The following CLVS2 variants were observed in gnomAD, a reference collection of about 807,000 sequenced individuals.
CLVS2 encodes the protein clavesin-2.
In CLVS2, 19 loss-of-function variants were observed where a neutral mutation model predicts 29.0. The ratio of observed to expected loss-of-function variants is 0.66; its 90% CI spans 0.46 to 0.96. CLVS2 has a LOEUF of 0.96. Ranked by LOEUF, CLVS2 falls within the 40% of genes least tolerant of loss-of-function variation. The pLI is 0.00. For missense variants in CLVS2, 294 were observed against 404.1 expected (o/e 0.73, Z 2.34); for synonymous variants, 161 against 151.3 (o/e 1.06, Z -0.47).
intron 3 of CLVS2, among the ~76,000 whole-genome samples, chr6:123,045,648 A>G (rs1772480143): frequency 6.6e-6 from 1 of 152,106 alleles, no homozygotes; most frequent in Non-Finnish European, 1.5e-5. Flanking sequence ...TTTCCACCTT[A>G]TAGGGTAGGG....
Position 123,066,128 on chromosome 6 carries a change from T to C in CLVS2, c.*2367T>C, listed in dbSNP as rs1772850504. 6.6e-6 allele frequency: 1 copy of C among 151,718 alleles called. No homozygotes were observed. Among genetic ancestry groups the C allele is most frequent in the African/African-American group, 2.4e-5 (1 of 41,400 alleles). 9.4% of individuals were successfully genotyped at this position (151,718 alleles called of 1,614,324 possible). On this transcript the variant is annotated 3_prime_UTR_variant, in exon 6 of 6. Transcript: ENST00000275162. ...CTAGTTCATTCTGTGAATAAACTCATTTTCTAGTAATGTTTGTGAACCTTA... is the reference window on the plus strand; with the variant it reads ...CTAGTTCATTCTGTGAATAAACTCACTTTCTAGTAATGTTTGTGAACCTTA...
intron 4 of CLVS2, 48 bp from the exon 5 acceptor site, chr6:123,055,758 T>A: frequency 7.6e-7 from 1 of 1,323,532 alleles, no homozygotes; most frequent in Non-Finnish European, 1.1e-6. Context: ...AGATGGTATT[T>A]AGTTTCCTCT....
intron 3 of CLVS2, among the ~76,000 whole-genome samples, chr6:123,037,067 AT>A (rs940997486): frequency 1.3e-5 from 2 of 151,666 alleles, no homozygotes; most frequent in African/African-American, 4.8e-5. Context: ...TTTATTTTTT[AT>A]TTTTTTTCTG....
At chr6:123,045,142 G>GACAC (rs112529316) in intron 3 of CLVS2, among the ~76,000 whole-genome samples, 3,884 of 147,020 alleles carry the variant, frequency 0.026, 174 homozygotes, top group African/African-American at 0.092. Flanking sequence ...CCTCTTTTGG[G>GACAC]ACACACACAC....
At chr6:123,049,906 C>T (rs1772579657) in intron 4 of CLVS2, among the ~76,000 whole-genome samples, 1 of 151,810 alleles carries the variant, frequency 6.6e-6, no homozygotes, top group South Asian at 2.1e-4. Context: ...ATGTAACAAA[C>T]CTGCACGTTG....
Position 122,996,557 on chromosome 6 carries a change from A to G in CLVS2, c.-749A>G, listed in dbSNP as rs1275157375. ...AGGAGAGGCTGCGGGCTGCCCGCGG[A>G]CGATGTGGCCGCGGCTGCTCCCGAG... On this transcript the variant is annotated 5_prime_UTR_variant, in exon 1 of 6. Coordinates refer to ENST00000275162, the MANE Select transcript of CLVS2 (RefSeq NM_001010852.4). 1 of 152,936 alleles carries G rather than the reference A, an allele frequency of 6.5e-6. No individual in the cohort carries two copies. The highest frequency in any genetic ancestry group is 1.5e-5 in the Non-Finnish European group (1 of 68,350). 9.5% of individuals were successfully genotyped at this position (152,936 alleles called of 1,614,324 possible). A position where few individuals can be genotyped will look rare whatever the true frequency, so the allele number is the denominator to read the frequency against.
rs558726734 is a variant in CLVS2, at chr6:123,070,307, T to C, written c.*6546T>C. On this transcript the variant is annotated 3_prime_UTR_variant, in exon 6 of 6. Coordinates refer to ENST00000275162, the MANE Select transcript of CLVS2 (RefSeq NM_001010852.4). ...TTCCAGTTTCTAGGAATAAAAATTT[T>C]GGAGTCATCCTCTCTTTCCTTCCTC... 1 of 151,926 alleles carries C rather than the reference T, an allele frequency of 6.6e-6. No individual in the cohort carries two copies. The highest frequency in any genetic ancestry group is 1.5e-5 in the Non-Finnish European group (1 of 67,916). 9.4% of individuals were successfully genotyped at this position (151,926 alleles called of 1,614,324 possible).
intron 3 of CLVS2, among the ~76,000 whole-genome samples, chr6:123,030,087 G>C (rs1775061407): frequency 6.6e-6 from 1 of 152,214 alleles, no homozygotes. Context: ...GCCAGAAAAA[G>C]AAGTACAGTT....
chr6:123,039,128 C>G (rs1042989157), intron 3 of CLVS2, among the ~76,000 whole-genome samples: 4 of 152,122 alleles, frequency 2.6e-5, no homozygotes, highest in Non-Finnish European at 5.9e-5. Context: ...TAGCCTGATT[C>G]TTACTGTAAT....
chr6:123,045,142 GACAC>G (rs112529316), intron 3 of CLVS2, among the ~76,000 whole-genome samples: 131 of 147,016 alleles, frequency 8.9e-4, no homozygotes, highest in Middle Eastern at 3.5e-3. Flanking sequence ...CCTCTTTTGG[GACAC>G]ACACACACAC....
chr6:123,022,430 T>G (rs1025277262), intron 3 of CLVS2, among the ~76,000 whole-genome samples: 14 of 151,972 alleles, frequency 9.2e-5, no homozygotes, highest in African/African-American at 3.1e-4. Context: ...AGCCAGTGAT[T>G]AGTTTATGAT....
chr6:123,034,231 C>T (rs1274146122), intron 3 of CLVS2, among the ~76,000 whole-genome samples: 1 of 152,032 alleles, frequency 6.6e-6, no homozygotes. Flanking sequence ...GAAATGAAAA[C>T]TTATTTTCAC....
intron 2 of CLVS2, among the ~76,000 whole-genome samples, chr6:123,007,668 T>C (rs1774688669): frequency 1.3e-5 from 2 of 152,200 alleles, no homozygotes; most frequent in Non-Finnish European, 2.9e-5. Flanking sequence ...CATAGTCTGG[T>C]GTCAGTTGTA....
At chr6:123,037,773 G>C (rs1188429699) in intron 3 of CLVS2, among the ~76,000 whole-genome samples, 1 of 151,848 alleles carries the variant, frequency 6.6e-6, no homozygotes, top group Non-Finnish European at 1.5e-5. Flanking sequence ...AACTCTACTT[G>C]CTACTGCTGT....
At chr6:123,019,034 A>C (rs1466970651) in intron 3 of CLVS2, among the ~76,000 whole-genome samples, 3 of 151,968 alleles carry the variant, frequency 2.0e-5, no homozygotes, top group African/African-American at 7.2e-5. Context: ...TGTCTTCTCC[A>C]TATGGTTTCC....
chr6:123,010,591 A>G (rs534636909), intron 2 of CLVS2, among the ~76,000 whole-genome samples: 4 of 150,906 alleles, frequency 2.7e-5, no homozygotes, highest in Admixed American at 2.6e-4. Context: ...GATGAGACTC[A>G]CTCAAATCTC....
chr6:123,059,713 C>T (rs1056818723), intron 5 of CLVS2, among the ~76,000 whole-genome samples: 2 of 152,286 alleles, frequency 1.3e-5, no homozygotes, highest in East Asian at 3.9e-4. Context: ...TCTTTACTTA[C>T]CAATCCATAT....
intron 2 of CLVS2, among the ~76,000 whole-genome samples, chr6:123,009,201 G>A (rs1257462544): frequency 1.3e-5 from 2 of 151,850 alleles, no homozygotes; most frequent in African/African-American, 4.8e-5. Flanking sequence ...CCCCAAACAT[G>A]GCCAATGAGA....
Position 123,055,903 on chromosome 6 carries a change from T to C in CLVS2, c.773T>C (p.Met258Thr). 6.2e-7 allele frequency: 1 copy of C among 1,613,882 alleles called. No individual in the cohort carries two copies. Among genetic ancestry groups the C allele is most frequent in the Non-Finnish European group, 8.5e-7 (1 of 1,179,822 alleles). Residue 258 changes from methionine to threonine, a missense_variant, in exon 5 of 6, where the codon ATG (methionine) becomes ACG (threonine). By Grantham distance (81) the Met-to-Thr change is moderately conservative (BLOSUM62 -1). Coordinates refer to ENST00000275162, the MANE Select transcript of CLVS2 (RefSeq NM_001010852.4). ...EFGGMLPPYD[M>T]GTWARTLLDH... ...GGAGGAATGCTGCCTCCTTATGACATGGGGACATGGGCAAGAACACTGCTA... is the reference window on the plus strand; with the variant it reads ...GGAGGAATGCTGCCTCCTTATGACACGGGGACATGGGCAAGAACACTGCTA...
Sources: gnomAD v4.1 joint callset for allele counts (sites outside exome capture counted in the v4.1 genomes callset) on GRCh38, gnomAD v4.1.1 for gene constraint, MANE v1.5 for transcripts, NCBI Gene and HGNC (gene_info 2026-07-23, HGNC 2026-07-21) for gene names.